Variants in USP35 observed in about 807,000 individuals in gnomAD.
USP35 encodes the protein ubiquitin carboxyl-terminal hydrolase 35.
Under a neutral mutation model 83.8 loss-of-function variants are expected in USP35, and 69 were observed. That is an observed-to-expected ratio of 0.82 (90% confidence interval 0.68 to 1.01). The LOEUF (loss-of-function observed/expected upper bound fraction) is 1.01, where lower values mean the gene tolerates loss of function less well. Among genes scored for constraint, USP35 ranks in the 50% least tolerant of loss-of-function variants. The pLI is 0.00. For synonymous variants in USP35, 714 were observed against 589.5 expected (o/e 1.21, Z -3.06); for missense variants, 1,503 against 1,362.5 (o/e 1.10, Z -1.62).
At chr11:78,199,562 T>C in intron 3 of USP35, 33 bp from the exon 4 acceptor site, 1 of 1,613,846 alleles carries the variant, frequency 6.2e-7, no homozygotes, top group South Asian at 1.1e-5. Flanking sequence ...TGGGTGTCCC[T>C]TGTCCCTGTG....
chr11:78,196,584 G>C lies in USP35; in HGVS notation c.339G>C (p.Glu113Asp). 1 of 1,247,900 alleles carries C rather than the reference G, an allele frequency of 8.0e-7. No homozygotes were observed. The allele number at this position is 1,247,900 out of a possible 1,614,324, so 77.3% of individuals were successfully genotyped here. The change falls in exon 2 of 11, where the codon GAG (glutamate) becomes GAC (aspartate). Residue 113 changes from glutamate to aspartate, a missense_variant. By Grantham distance (45) the Glu-to-Asp change is conservative. Coordinates refer to ENST00000529308, the MANE Select transcript of USP35 (RefSeq NM_020798.4). This position sits in a 1 kb window ranked among gnomAD's most constrained non-coding sequence, Gnocchi z 4.8. ...AGCTGGGTCTGCAGCTGCTGCCCGA[G>C]GGGCCTGCGGCCGACGAGGTGTTCG... is the stretch of plus-strand genomic sequence containing the variant. ...CVQLGLQLLPEGPAADEVFAL... is the reference protein window; with the variant it reads ...CVQLGLQLLPDGPAADEVFAL...
rs1275222810 is a variant in USP35, at chr11:78,214,234, A to AGAGAGGCGGGGGGGGGGGG, written c.*422_*423insAGAGGCGGGGGGGGGGGGG. ...ACAGCAGGATCCAAGCCTTGCACAA[A>AGAGAGGCGGGGGGGGGGGG]GGGGTGGGGGGGGCAGTGTCTCCTC... On this transcript the variant is annotated 3_prime_UTR_variant, in exon 11 of 11. Coordinates refer to ENST00000529308, the MANE Select transcript of USP35 (RefSeq NM_020798.4). The AGAGAGGCGGGGGGGGGGGG allele has an allele frequency of 5.2e-5, 5 of 96,204 alleles. No homozygotes were observed. Among genetic ancestry groups the AGAGAGGCGGGGGGGGGGGG allele is most frequent in the African/African-American group, 2.5e-4 (5 of 19,658 alleles). The allele number at this position is 96,204 out of a possible 1,614,324, so 6.0% of individuals were successfully genotyped here.
At chr11:78,202,973 A>T (rs1014811577) in intron 6 of USP35, among the ~76,000 whole-genome samples, 3 of 152,148 alleles carry the variant, frequency 2.0e-5, no homozygotes, top group Non-Finnish European at 2.9e-5. Context: ...GCAGGACTGT[A>T]GGAGAATGCT....
chr11:78,188,938 A>C lies in USP35; in HGVS notation c.-230A>C, dbSNP rs114251149. On this transcript the variant is annotated 5_prime_UTR_variant, in exon 1 of 11. Transcript: ENST00000529308. The stretch of plus-strand genomic sequence containing the variant: ...TCCCGCAGCCCCGGGGCCGCGCCGC[A>C]GAGTCGGGCTTCCTGGATACATAGA... 9.2e-4 allele frequency: 907 copies of C among 985,596 alleles called. 6 individuals are homozygous for C. The African/African-American group carries it at 0.014, about 15-fold the overall frequency. 61.1% of individuals were successfully genotyped at this position (985,596 alleles called of 1,614,324 possible).
chr11:78,199,701 G>T lies in USP35; in HGVS notation c.913G>T (p.Val305Phe), dbSNP rs771644118. The change falls in exon 4 of 11, where the codon GTT (valine) becomes TTT (phenylalanine). Residue 305 changes from valine to phenylalanine, a missense_variant. Val to Phe is a conservative substitution (Grantham distance 50). Coordinates refer to ENST00000529308, the MANE Select transcript of USP35 (RefSeq NM_020798.4). ...AVKKFSILIE[V>F]SLTKIEKVFS... ...TAAGAAGTTCAGCATCTTGATCGAG[G>T]TTTCGCTCACCAAAATTGAGAAGGT... The T allele has an allele frequency of 1.2e-6, 2 of 1,614,176 alleles. No homozygotes were observed. Among genetic ancestry groups the T allele is most frequent in the South Asian group, 1.1e-5 (1 of 91,088 alleles).
At chr11:78,211,240 A>G (rs1863761785) in intron 10 of USP35, among the ~76,000 whole-genome samples, 1 of 152,084 alleles carries the variant, frequency 6.6e-6, no homozygotes, top group Non-Finnish European at 1.5e-5. Context: ...TGCTGAGGAT[A>G]ACGGCTTCCA....
chr11:78,204,039 C>A (rs964157234), intron 6 of USP35, among the ~76,000 whole-genome samples: 1 of 149,068 alleles, frequency 6.7e-6, no homozygotes, highest in Non-Finnish European at 1.5e-5. Flanking sequence ...TACAGGCGCC[C>A]GCCACTACGC....
At chr11:78,222,932 C>T in the USP35 span, among the ~76,000 whole-genome samples, 1 of 152,182 alleles carries the variant, frequency 6.6e-6, no homozygotes, top group Non-Finnish European at 1.5e-5. Flanking sequence ...CGTGACTACT[C>T]CCTGCTGCTC....
intron 3 of USP35, chr11:78,198,875 C>T (rs1400129188): frequency 5.6e-6 from 1 of 177,072 alleles, no homozygotes; most frequent in South Asian, 1.9e-4. Context: ...TTGGGTAAAA[C>T]AAGATAATAC....
chr11:78,196,293 C>G lies in USP35; in HGVS notation c.48C>G (p.Ser16Arg). ...TGGTGACGTCGTCATACCCGGTCAG[C>G]GTGAAGCAGGGGCTGGTTCGGCGCG... ...EAVVTSSYPV[S>R]VKQGLVRRVL... Residue 16 changes from serine (S) to arginine (R), a missense_variant, in exon 2 of 11, where the codon AGC (serine) becomes AGG (arginine). Coordinates refer to ENST00000529308, the MANE Select transcript of USP35 (RefSeq NM_020798.4). The surrounding 1 kb of genome is among the most constrained non-coding windows in gnomAD (Gnocchi z 4.8). 1 of 1,594,556 alleles carries G rather than the reference C, an allele frequency of 6.3e-7. No homozygotes were observed. Among genetic ancestry groups the G allele is most frequent in the Non-Finnish European group, 8.5e-7 (1 of 1,177,364 alleles).
the USP35 span, among the ~76,000 whole-genome samples, chr11:78,224,935 T>C: frequency 3.3e-5 from 5 of 152,202 alleles, no homozygotes; most frequent in African/African-American, 1.2e-4. Flanking sequence ...AGAATACTTA[T>C]ATCTTACTTG....
downstream of USP35, chr11:78,215,983 TTTG>T (rs1864120063): frequency 6.6e-6 from 1 of 152,624 alleles, no homozygotes; most frequent in Non-Finnish European, 1.5e-5. Flanking sequence ...TGGGGCATAC[TTTG>T]TTAACTTCTA....
chr11:78,196,193 C>A lies in USP35; in HGVS notation c.-10-43C>A. The A allele has an allele frequency of 1.3e-6, 2 of 1,535,114 alleles. No individual in the cohort carries two copies. Among genetic ancestry groups the A allele is most frequent in the Non-Finnish European group, 1.7e-6 (2 of 1,151,452 alleles). Reference sequence around the variant, plus strand: ...GGGACTGCACCGGGAACTCTTGAGCCCCGCGGTTGTCGGGCTGTGACCTCA... The same window carrying A: ...GGGACTGCACCGGGAACTCTTGAGCACCGCGGTTGTCGGGCTGTGACCTCA... On this transcript the variant is annotated intron_variant, in intron 1 of 10. Coordinates refer to ENST00000529308, the MANE Select transcript of USP35 (RefSeq NM_020798.4). This position sits in a 1 kb window ranked among gnomAD's most constrained non-coding sequence, Gnocchi z 4.8.
rs776609011 is a variant in USP35, at chr11:78,205,875, C to A, written c.1231C>A (p.Gln411Lys). ...TGTTCCCAATGAGGACCGCATCAAG[C>A]AGCTGCTGGGGCAGGATGCCTGGAC... Reference protein sequence around the residue: ...LHVPNEDRIKQLLGQDAWTSQ... With the variant: ...LHVPNEDRIKKLLGQDAWTSQ... The change falls in exon 7 of 11, where the codon CAG (glutamine) becomes AAG (lysine). Residue 411 changes from glutamine (Q) to lysine (K), a missense_variant. By Grantham distance (53) the Gln-to-Lys change is moderately conservative. Coordinates refer to ENST00000529308, the MANE Select transcript of USP35 (RefSeq NM_020798.4). The A allele has an allele frequency of 1.2e-5, 20 of 1,614,024 alleles. No individual in the cohort carries two copies. In the African/African-American group the frequency reaches 2.5e-4, roughly 20 times the overall value.
chr11:78,225,181 T>C, the USP35 span: 1 of 1,612,024 alleles, frequency 6.2e-7, no homozygotes, highest in Non-Finnish European at 8.5e-7. Flanking sequence ...CTGTGGGTAC[T>C]CGTAGGTCTC....
chr11:78,199,736 T>A lies in USP35; in HGVS notation c.936+12T>A, dbSNP rs1863278947. ...CCAAAATTGAGAAGGTTGGTGCCCC[T>A]GTCCTAGCCCAGAGTTACAGCCTTT... On this transcript the variant is annotated intron_variant, in intron 4 of 10. Transcript: ENST00000529308. 1 of 1,612,330 alleles carries A rather than the reference T, an allele frequency of 6.2e-7. No individual in the cohort carries two copies. The highest frequency in any genetic ancestry group is 1.3e-5 in the African/African-American group (1 of 74,938).
At chr11:78,191,453 A>G (rs1332337801) in intron 1 of USP35, among the ~76,000 whole-genome samples, 1 of 152,174 alleles carries the variant, frequency 6.6e-6, no homozygotes, top group Non-Finnish European at 1.5e-5. Context: ...GGAAAGGCTA[A>G]GGGGTGGGCA....
the USP35 span, among the ~76,000 whole-genome samples, chr11:78,230,168 G>GT: frequency 6.6e-6 from 1 of 152,342 alleles, no homozygotes; most frequent in South Asian, 2.1e-4. Context: ...ATAAACAAAC[G>GT]TATGTTGCTG....
At position 78,209,673 on chromosome 11, in the gene USP35, T is replaced by TCGCCGC. The variant is rs866884019; in HGVS notation, c.1826_1831dup (p.Arg609_Arg610dup). ...TCGCCTTCCCTCCTCCTGAGCGCTG[T>TCGCCGC]CGCCGCCGCCGCCTGGGCTCTGTGA... On this transcript the variant is annotated inframe_insertion, in exon 10 of 11. Coordinates refer to ENST00000529308, the MANE Select transcript of USP35 (RefSeq NM_020798.4). 9 of 1,613,904 alleles carry TCGCCGC rather than the reference T, an allele frequency of 5.6e-6. No individual in the cohort carries two copies. The highest frequency in any genetic ancestry group is 2.2e-5 in the East Asian group (1 of 44,846).
Sources: gnomAD v4.1 joint callset for allele counts (sites outside exome capture counted in the v4.1 genomes callset) on GRCh38, gnomAD v4.1.1 for gene constraint, Gnocchi (gnomAD v3.1) non-coding constraint, MANE v1.5 for transcripts, NCBI Gene and HGNC (gene_info 2026-07-23, HGNC 2026-07-21) for gene names.